SYN3: variants seen among roughly 807,000 people sequenced by gnomAD.
SYN3 encodes synapsin III, also known as synapsin-3.
Under a neutral mutation model 65.8 loss-of-function variants are expected in SYN3, and 35 were observed. That is an observed-to-expected ratio of 0.53 (90% confidence interval 0.41 to 0.70). The LOEUF is 0.70. SYN3 is among the 30% of genes least tolerant of loss of function. SYN3 has a pLI of 0.00. For missense variants in SYN3, 680 were observed against 749.0 expected (o/e 0.91, Z 1.08); for synonymous variants, 270 against 292.9 (o/e 0.92, Z 0.80).
chr22:32,830,662 C>G (rs947216547), intron 6 of SYN3, among the ~76,000 whole-genome samples: 2 of 152,094 alleles, frequency 1.3e-5, no homozygotes, highest in Non-Finnish European at 2.9e-5. Context: ...ACAGGGCCAC[C>G]CCCCCGCCCC....
intron 6 of SYN3, among the ~76,000 whole-genome samples, chr22:32,606,987 C>T (rs545085578): frequency 4.6e-5 from 7 of 151,752 alleles, no homozygotes; most frequent in East Asian, 1.9e-4. Context: ...TTAGGTATAT[C>T]TCCTAATGCT....
chr22:32,544,316 C>CT (rs1186068793), intron 7 of SYN3, among the ~76,000 whole-genome samples: 1 of 152,194 alleles, frequency 6.6e-6, no homozygotes, highest in East Asian at 1.9e-4. Flanking sequence ...TTCATTGATT[C>CT]TTTATTCTTT....
intron 6 of SYN3, among the ~76,000 whole-genome samples, chr22:32,701,836 A>T (rs1393933781): frequency 6.6e-6 from 1 of 152,168 alleles, no homozygotes; most frequent in Non-Finnish European, 1.5e-5. Context: ...AAGAGAGGGG[A>T]GTACAGAAAA....
At chr22:32,838,009 C>T (rs1432274898) in intron 6 of SYN3, among the ~76,000 whole-genome samples, 1 of 152,186 alleles carries the variant, frequency 6.6e-6, no homozygotes, top group East Asian at 1.9e-4. Flanking sequence ...CAGGATGTCT[C>T]CCTCCGGCGC....
intron 6 of SYN3, among the ~76,000 whole-genome samples, chr22:32,839,101 C>T (rs1323537291): frequency 6.6e-6 from 1 of 151,752 alleles, no homozygotes; most frequent in African/African-American, 2.4e-5. Context: ...GTGATTCTCA[C>T]CTAGGCAAGG....
At chr22:32,545,468 A>C (rs977725799) in intron 7 of SYN3, among the ~76,000 whole-genome samples, 3 of 152,032 alleles carry the variant, frequency 2.0e-5, no homozygotes, top group African/African-American at 7.2e-5. Context: ...CCCTCTGGGA[A>C]CCCTTCTCTT....
At chr22:32,747,142 C>T (rs530106632) in intron 6 of SYN3, among the ~76,000 whole-genome samples, 2 of 152,256 alleles carry the variant, frequency 1.3e-5, no homozygotes, top group Non-Finnish European at 2.9e-5. Flanking sequence ...GAGCCTCATG[C>T]GAATCCCAGG....
chr22:32,858,167 G>A (rs758343311), intron 6 of SYN3: 6 of 1,610,862 alleles, frequency 3.7e-6, no homozygotes, highest in Non-Finnish European at 5.1e-6. Flanking sequence ...GGGGGAAGGA[G>A]GGGAGGTGCT....
intron 9 of SYN3, 109 bp from the exon 10 acceptor site, chr22:32,534,004 C>T: frequency 1.5e-6 from 1 of 679,268 alleles, no homozygotes; most frequent in Non-Finnish European, 2.6e-6. Flanking sequence ...GACAGTGACT[C>T]ACACATCCAG....
At chr22:32,946,245 A>T (rs1373980256) in intron 3 of SYN3, among the ~76,000 whole-genome samples, 2 of 152,222 alleles carry the variant, frequency 1.3e-5, no homozygotes, top group Non-Finnish European at 2.9e-5. Flanking sequence ...ATGCACACGT[A>T]TGTTTATTGC....
chr22:33,056,382 A>G (rs1394943589), intron 1 of SYN3, among the ~76,000 whole-genome samples: 2 of 152,154 alleles, frequency 1.3e-5, no homozygotes, highest in Admixed American at 6.6e-5. Context: ...CTCCCCCTCC[A>G]AGACCAAGAC....
chr22:32,939,126 T>C (rs1259263247), intron 3 of SYN3, among the ~76,000 whole-genome samples: 1 of 152,184 alleles, frequency 6.6e-6, no homozygotes, highest in Non-Finnish European at 1.5e-5. Context: ...CCCTTATTTT[T>C]CAGTTTAAAA....
chr22:32,940,565 T>C (rs989851549), intron 3 of SYN3, among the ~76,000 whole-genome samples: 5 of 152,192 alleles, frequency 3.3e-5, no homozygotes, highest in African/African-American at 1.2e-4. Context: ...GGACCGAAGG[T>C]TCAATTTTTT....
At chr22:32,727,251 T>G (rs1213216966) in intron 6 of SYN3, among the ~76,000 whole-genome samples, 1 of 152,250 alleles carries the variant, frequency 6.6e-6, no homozygotes, top group Admixed American at 6.5e-5. Context: ...TGGTTTTCTG[T>G]TCCTGCATTA....
intron 6 of SYN3, among the ~76,000 whole-genome samples, chr22:32,751,108 C>A (rs1028067882): frequency 6.6e-6 from 1 of 152,064 alleles, no homozygotes; most frequent in African/African-American, 2.4e-5. Flanking sequence ...AGCCCCCAGC[C>A]CCCAGCCGGT....
chr22:32,713,763 AAC>A (rs1234723898), intron 6 of SYN3, among the ~76,000 whole-genome samples: 9 of 151,754 alleles, frequency 5.9e-5, no homozygotes, highest in Admixed American at 2.0e-4. Flanking sequence ...CCCGGGAGGC[AAC>A]GCTTGCAGTG....
At chr22:32,787,634 T>C (rs946844521) in intron 6 of SYN3, among the ~76,000 whole-genome samples, 4 of 152,236 alleles carry the variant, frequency 2.6e-5, no homozygotes, top group East Asian at 3.8e-4. Context: ...CATCTTGCAC[T>C]GTTTTCTTTG....
intron 3 of SYN3, among the ~76,000 whole-genome samples, chr22:32,978,768 G>A (rs952356150): frequency 6.6e-6 from 1 of 152,136 alleles, no homozygotes; most frequent in African/African-American, 2.4e-5. Context: ...CTGAGCCCAA[G>A]TTTCCTCAGC....
intron 6 of SYN3, among the ~76,000 whole-genome samples, chr22:32,622,136 G>T (rs1401132203): frequency 6.6e-6 from 1 of 151,912 alleles, no homozygotes; most frequent in African/African-American, 2.4e-5. Context: ...GTCCAGCTTC[G>T]TAAATAGCTT....
Sources: gnomAD v4.1 joint callset for allele counts (sites outside exome capture counted in the v4.1 genomes callset) on GRCh38, gnomAD v4.1.1 for gene constraint, MANE v1.5 for transcripts, NCBI Gene and HGNC (gene_info 2026-07-23, HGNC 2026-07-21) for gene names.